Variants in NEMP2 observed in about 807,000 individuals in gnomAD.
NEMP2 encodes UPF0571 transmembrane protein.
In NEMP2, 53 loss-of-function variants were observed where a neutral mutation model predicts 54.2. That is an observed-to-expected ratio of 0.98 (90% CI 0.78 to 1.23). The LOEUF is 1.23. NEMP2 is among the 50% of genes most tolerant of loss of function. The pLI, the probability that NEMP2 is intolerant of heterozygous loss-of-function variation, is 0.00. For missense variants in NEMP2, 455 were observed against 511.3 expected (o/e 0.89, Z 1.06); for synonymous variants, 197 against 190.3 (o/e 1.04, Z -0.29).
the NEMP2 span, among the ~76,000 whole-genome samples, chr2:190,575,509 G>A: frequency 6.6e-6 from 1 of 152,074 alleles, no homozygotes; most frequent in African/African-American, 2.4e-5. Context: ...TTCACAGCTT[G>A]TTAGTACTTC....
At chr2:190,471,943 G>A in the NEMP2 span, among the ~76,000 whole-genome samples, 1 of 152,214 alleles carries the variant, frequency 6.6e-6, no homozygotes, top group Non-Finnish European at 1.5e-5. This position sits in a 1 kb window ranked among gnomAD's most constrained non-coding sequence, Gnocchi z 4.7. Context: ...AATATCCGCT[G>A]TTCTGCAGCT....
At chr2:190,560,044 A>G in the NEMP2 span, among the ~76,000 whole-genome samples, 12 of 152,172 alleles carry the variant, frequency 7.9e-5, no homozygotes, top group Non-Finnish European at 1.8e-4. The surrounding 1 kb of genome is among the most constrained non-coding windows in gnomAD (Gnocchi z 5.4). Context: ...CTGGTGTGCA[A>G]TGTGTGGGCC....
At chr2:190,430,621 A>G in the NEMP2 span, among the ~76,000 whole-genome samples, 134 of 152,166 alleles carry the variant, frequency 8.8e-4, no homozygotes, top group African/African-American at 2.6e-3. Flanking sequence ...ACACAGACAC[A>G]GCAACCATCC....
the NEMP2 span, among the ~76,000 whole-genome samples, chr2:190,571,743 A>G: frequency 1.3e-5 from 2 of 152,150 alleles, no homozygotes; most frequent in African/African-American, 4.8e-5. Context: ...TAGCATTATG[A>G]AAGGGAAAGG....
At chr2:190,491,574 C>T in the NEMP2 span, among the ~76,000 whole-genome samples, 133,845 of 152,198 alleles carry the variant, frequency 0.88, 59,665 homozygotes, top group East Asian at 1. The surrounding 1 kb of genome is among the most constrained non-coding windows in gnomAD (Gnocchi z 4.2). Flanking sequence ...TCACTACAGC[C>T]TGGCTGTCAG....
chr2:190,577,669 A>G, the NEMP2 span, among the ~76,000 whole-genome samples: 1 of 152,158 alleles, frequency 6.6e-6, no homozygotes. This position sits in a 1 kb window ranked among gnomAD's most constrained non-coding sequence, Gnocchi z 4.8. Context: ...TGAGGTCAGG[A>G]GTTCAAGACC....
In NEMP2 at chr2:190,527,380, A is replaced by G. The variant is rs762435683; in HGVS notation, c.98-2002T>C. Among the ~76,000 whole-genome samples, 1 of 152,178 alleles carries G rather than the reference A, an allele frequency of 6.6e-6. No individual in the cohort carries two copies. Among genetic ancestry groups the G allele is most frequent in the Non-Finnish European group, 1.5e-5 (1 of 68,034 alleles). On this transcript the variant is annotated intron_variant, in intron 1 of 8. Coordinates refer to ENST00000409150, the MANE Select transcript of NEMP2 (RefSeq NM_001142645.2). This position sits in a 1 kb window ranked among gnomAD's most constrained non-coding sequence, Gnocchi z 4.0. ...GAAAAGTGAAGACAGACTTGGGGAA[A>G]GGATCCTGGGAATGCTCGCCATCTC...
At chr2:190,482,010 G>A in the NEMP2 span, among the ~76,000 whole-genome samples, 2 of 152,054 alleles carry the variant, frequency 1.3e-5, no homozygotes, top group African/African-American at 4.8e-5. Flanking sequence ...TTGCAGTTAG[G>A]TATGACCATG....
the NEMP2 span, among the ~76,000 whole-genome samples, chr2:190,580,250 A>G: frequency 2.0e-5 from 3 of 152,102 alleles, no homozygotes; most frequent in Non-Finnish European, 4.4e-5. The surrounding 1 kb of genome is among the most constrained non-coding windows in gnomAD (Gnocchi z 5.3). Flanking sequence ...GATCAATACT[A>G]CCCCATCCAC....
chr2:190,597,104 A>C, the NEMP2 span, among the ~76,000 whole-genome samples: 1 of 151,844 alleles, frequency 6.6e-6, no homozygotes, highest in African/African-American at 2.4e-5. This position sits in a 1 kb window ranked among gnomAD's most constrained non-coding sequence, Gnocchi z 4.7. Context: ...TCTACAAAAA[A>C]ATTTTTCTAA....
chr2:190,450,485 TTCC>T, the NEMP2 span, among the ~76,000 whole-genome samples: 2 of 105,786 alleles, frequency 1.9e-5, no homozygotes, highest in African/African-American at 3.2e-5. Context: ...TTTTCTCTTT[TTCC>T]TTTTTTTTTT....
the NEMP2 span, among the ~76,000 whole-genome samples, chr2:190,604,428 G>A: frequency 6.6e-6 from 1 of 152,196 alleles, no homozygotes; most frequent in East Asian, 1.9e-4. The surrounding 1 kb of genome is among the most constrained non-coding windows in gnomAD (Gnocchi z 4.5). Context: ...ACACAGGTGA[G>A]TCGGCTTCCT....
chr2:190,543,102 T>C, the NEMP2 span, among the ~76,000 whole-genome samples: 2 of 152,226 alleles, frequency 1.3e-5, no homozygotes, highest in Non-Finnish European at 2.9e-5. The surrounding 1 kb of genome is among the most constrained non-coding windows in gnomAD (Gnocchi z 4.7). Context: ...GCTATCTTCT[T>C]TTCAGCCCTG....
chr2:190,637,136 T>A, the NEMP2 span, among the ~76,000 whole-genome samples: 1 of 152,212 alleles, frequency 6.6e-6, no homozygotes, highest in Non-Finnish European at 1.5e-5. The surrounding 1 kb of genome is among the most constrained non-coding windows in gnomAD (Gnocchi z 4.5). Flanking sequence ...CCAGCTTGAT[T>A]TTCTTAAAAA....
the NEMP2 span, chr2:190,436,099 G>C: frequency 6.2e-7 from 1 of 1,614,100 alleles, no homozygotes; most frequent in African/African-American, 1.3e-5. The surrounding 1 kb of genome is among the most constrained non-coding windows in gnomAD (Gnocchi z 5.3). Context: ...TGTGCTTGCA[G>C]ATCCCTTTAA....
chr2:190,503,617 G>T (rs1223128934), downstream of NEMP2, among the ~76,000 whole-genome samples: 1 of 152,150 alleles, frequency 6.6e-6, no homozygotes, highest in Non-Finnish European at 1.5e-5. This position sits in a 1 kb window ranked among gnomAD's most constrained non-coding sequence, Gnocchi z 6.3. Flanking sequence ...CTGTAGGGAA[G>T]AAAGAGGTGA....
chr2:190,623,212 G>A, the NEMP2 span, among the ~76,000 whole-genome samples: 1 of 152,018 alleles, frequency 6.6e-6, no homozygotes, highest in Admixed American at 6.6e-5. Flanking sequence ...TGGATTGGAA[G>A]AATTAATATC....
the NEMP2 span, among the ~76,000 whole-genome samples, chr2:190,637,293 G>A: frequency 5.3e-5 from 8 of 152,186 alleles, no homozygotes; most frequent in Non-Finnish European, 7.3e-5. The surrounding 1 kb of genome is among the most constrained non-coding windows in gnomAD (Gnocchi z 4.5). Context: ...AAGCCCCCTT[G>A]TTCCCCTTTC....
the NEMP2 span, among the ~76,000 whole-genome samples, chr2:190,497,224 A>G: frequency 6.6e-6 from 1 of 152,180 alleles, no homozygotes; most frequent in Non-Finnish European, 1.5e-5. This position sits in a 1 kb window ranked among gnomAD's most constrained non-coding sequence, Gnocchi z 5.2. Flanking sequence ...GCTAATGTCT[A>G]TTAAGGCCTA....
Sources: allele counts gnomAD v4.1 joint callset (sites outside exome capture counted in the v4.1 genomes callset), GRCh38; gene constraint gnomAD v4.1.1; non-coding constraint Gnocchi (gnomAD v3.1); transcripts MANE v1.5; gene names NCBI Gene and HGNC (gene_info 2026-07-23, HGNC 2026-07-21).